The following TTN variants were observed in gnomAD, a reference collection of about 807,000 sequenced individuals.
TTN encodes connectin.
A neutral mutation model predicts 3,223.0 loss-of-function variants in TTN; 1,525 were observed. That is an observed-to-expected ratio of 0.47 (90% CI 0.45 to 0.49). The LOEUF (loss-of-function observed/expected upper bound fraction) is 0.49, where lower values mean the gene tolerates loss of function less well. TTN is among the 20% of genes least tolerant of loss of function. TTN has a pLI of 0.00. For synonymous variants in TTN, 14,094 were observed against 15,161.0 expected (o/e 0.93, Z 5.17); for missense variants, 40,786 against 43,424.0 (o/e 0.94, Z 5.40).
In TTN at chr2:178,528,637, A is replaced by T; in HGVS notation, c.107114T>A (p.Ile35705Asn). 1 of 1,613,010 alleles carries T rather than the reference A, an allele frequency of 6.2e-7. No individual in the cohort carries two copies. ...AATATTTTGAGATCTAGGCTGTGAG[A>T]TGAAGGCTGGAGCATCTGAGAGTTC... ...SKELSDAPAF[I>N]SQPRSQNINE... Residue 35705 changes from isoleucine (I) to asparagine (N), a missense_variant, in exon 360 of 363, where the codon ATC (isoleucine) becomes AAC (asparagine). Ile to Asn is a moderately radical substitution (Grantham distance 149). Transcript: ENST00000589042.
In TTN at chr2:178,712,883, A is replaced by G; in HGVS notation, c.27142T>C (p.Phe9048Leu). 1 of 1,613,680 alleles carries G rather than the reference A, an allele frequency of 6.2e-7. No homozygotes were observed. Among genetic ancestry groups the G allele is most frequent in the South Asian group, 1.1e-5 (1 of 91,042 alleles). ...CTACCTTTGAACCAGCTAACACTGA[A>G]AGGAGGTGTTCCTTTTACGATACTT... ...FTSIVKGTPP[F>L]SVSWFKGSSE... Residue 9048 changes from phenylalanine to leucine, a missense_variant, in exon 94 of 363, where the codon TTC (phenylalanine) becomes CTC (leucine). Coordinates refer to ENST00000589042, the MANE Select transcript of TTN (RefSeq NM_001267550.2).
chr2:178,709,541 G>C (rs769536214), intron 99 of TTN, 25 bp downstream of exon 99: 11 of 1,590,038 alleles, frequency 6.9e-6, no homozygotes, highest in Non-Finnish European at 7.7e-6. Context: ...AAACACAACA[G>C]GTTGGGGCTG....
In TTN at chr2:178,574,357, A is replaced by C. The variant is rs1401717606; in HGVS notation, c.71775T>G (p.Ile23925Met). The C allele has an allele frequency of 2.1e-5, 34 of 1,613,476 alleles. No individual in the cohort carries two copies. Among genetic ancestry groups the C allele is most frequent in the Non-Finnish European group, 2.7e-5 (32 of 1,179,664 alleles). Residue 23925 changes from isoleucine to methionine, a missense_variant, in exon 326 of 363, where the codon ATT (isoleucine) becomes ATG (methionine). Transcript: ENST00000589042. Reference sequence around the variant, plus strand: ...GAGGTACTGGTTTTCCAGGTGGGTCAATGGGATCCAGAGCCAACATAGGTT... The same window carrying C: ...GAGGTACTGGTTTTCCAGGTGGGTCCATGGGATCCAGAGCCAACATAGGTT... ...PSEPMLALDP[I>M]DPPGKPVPLN...
intron 250 of TTN, 179 bp from the exon 251 acceptor site, chr2:178,619,032 C>T (rs775180126): frequency 4.4e-5 from 36 of 810,898 alleles, no homozygotes; most frequent in Middle Eastern, 3.7e-4. Context: ...TGTTGTTGTG[C>T]GTGCAAATTA....
chr2:178,526,918 T>C lies in TTN; in HGVS notation c.*94A>G. 1 of 1,249,040 alleles carries C rather than the reference T, an allele frequency of 8.0e-7. No homozygotes were observed. The highest frequency in any genetic ancestry group is 1.1e-6 in the Non-Finnish European group (1 of 932,150). 77.4% of individuals were successfully genotyped at this position (1,249,040 alleles called of 1,614,324 possible). On this transcript the variant is annotated 3_prime_UTR_variant, in exon 363 of 363. Transcript: ENST00000589042. The stretch of plus-strand genomic sequence containing the variant: ...TTAGGTTGATACAAAACTACTTTTT[T>C]TTCTTTAAATATTTACAGTTCAGAA...
intron 316 of TTN, 80 bp downstream of exon 316, chr2:178,581,419 C>T (rs952193774): frequency 1.7e-6 from 2 of 1,195,046 alleles, no homozygotes; most frequent in Non-Finnish European, 2.3e-6. Flanking sequence ...ATAAATTAAT[C>T]TACCTAAGGG....
rs761565425 is a variant in TTN at position 178,548,092 on chromosome 2, C to T, written c.93534G>A (p.Glu31178=). The change falls in exon 339 of 363, where the codon GAG becomes GAA. Residue 31178 remains glutamate, a synonymous_variant. Transcript: ENST00000589042. This position sits in a 1 kb window ranked among gnomAD's most constrained non-coding sequence, Gnocchi z 4.3. ...TCACACGGAATTCATATTCAGTTTT[C>T]TCAACAAGACGCTCTACTGTGAAAG... is the stretch of plus-strand genomic sequence containing the variant. ...QLTFTVERLV[E]KTEYEFRVKA... is the part of the protein sequence containing the mutation. 3 of 1,613,870 alleles carry T rather than the reference C, an allele frequency of 1.9e-6. No homozygotes were observed. Among genetic ancestry groups the T allele is most frequent in the East Asian group, 2.2e-5 (1 of 44,864 alleles).
At position 178,664,035 on chromosome 2, in the gene TTN, G is replaced by C. The variant is rs772883660; in HGVS notation, c.36344C>G (p.Pro12115Arg). 1.5e-5 allele frequency: 25 copies of C among 1,613,178 alleles called. No individual in the cohort carries two copies. Among genetic ancestry groups the C allele is most frequent in the Non-Finnish European group, 1.9e-5 (23 of 1,179,744 alleles). ...AATACCTTTAACAGGTGGGACTTCA[G>C]GCTTTTTAGGAGGCACCACCGACAC... ...KKVSVVPPKK[P>R]EVPPVKVPEA... The change falls in exon 169 of 363, where the codon CCT (proline) becomes CGT (arginine). Residue 12115 changes from proline (P) to arginine (R), a missense_variant. Physicochemically the swap from Pro to Arg is moderately radical, Grantham distance 103 (BLOSUM62 -2). Transcript: ENST00000589042.
rs760027926 is a variant in TTN, at chr2:178,539,255, T to C, written c.98684-4A>G. On this transcript the variant is annotated splice_region_variant and splice_polypyrimidine_tract_variant and intron_variant, in intron 352 of 362. Transcript: ENST00000589042. ...TTGCTTGGAGGTTCTGGAGGATCTG[T>C]AAATATAAGTGGAAAGCACACATGT... is the stretch of plus-strand genomic sequence containing the variant. The C allele has an allele frequency of 1.2e-6, 2 of 1,612,132 alleles. No individual in the cohort carries two copies. Among genetic ancestry groups the C allele is most frequent in the Admixed American group, 3.3e-5 (2 of 59,930 alleles).
Position 178,777,883 on chromosome 2 carries a change from G to C in TTN, c.4301C>G (p.Pro1434Arg). 1.2e-6 allele frequency: 2 copies of C among 1,614,032 alleles called. No individual in the cohort carries two copies. The highest frequency in any genetic ancestry group is 1.7e-6 in the Non-Finnish European group (2 of 1,179,942). ...CCTACGTCCAGGGGACATTCTTGCA[G>C]GGGACATCCGTGCAGGAGACATCCT... ...PARMSPARMSPARMSPGRRLE... is the reference protein window; with the variant it reads ...PARMSPARMSRARMSPGRRLE... The change falls in exon 25 of 363, where the codon CCT (proline) becomes CGT (arginine). Residue 1434 changes from proline to arginine, a missense_variant. By Grantham distance (103) the Pro-to-Arg change is moderately radical (BLOSUM62 -2). Coordinates refer to ENST00000589042, the MANE Select transcript of TTN (RefSeq NM_001267550.2).
In TTN at chr2:178,529,207, G is replaced by A; in HGVS notation, c.106544C>T (p.Thr35515Ile). 1 of 1,480,912 alleles carries A rather than the reference G, an allele frequency of 6.8e-7. No homozygotes were observed. The highest frequency in any genetic ancestry group is 8.9e-7 in the Non-Finnish European group (1 of 1,119,394). 91.7% of individuals were successfully genotyped at this position (1,480,912 alleles called of 1,614,324 possible). A position where few individuals can be genotyped will look rare whatever the true frequency, so the allele number is the denominator to read the frequency against. ...TTGTGTAGAGACTTTCTGTGCCTCA[G>A]TATCTTTTATAGCTAAAAAAGAAAC... ...CKLTIKAIKD[T>I]EAQKVSTQKT... The change falls in exon 360 of 363, where the codon ACT becomes ATT. Residue 35515 changes from threonine (T) to isoleucine (I), a missense_variant. Thr to Ile is a moderately conservative substitution (Grantham distance 89). Coordinates refer to ENST00000589042, the MANE Select transcript of TTN (RefSeq NM_001267550.2).
rs1382066984 is a variant in TTN, at chr2:178,706,573, C to A, written c.29301G>T (p.Gly9767=). The change falls in exon 102 of 363, where the codon GGG becomes GGT. Residue 9767 remains glycine, a synonymous_variant. Coordinates refer to ENST00000589042, the MANE Select transcript of TTN (RefSeq NM_001267550.2). Reference sequence around the variant, plus strand: ...CGTTAAATGCCACGCATCGGTATAACCCAGAATCAGTTTTTGTGGTGTCCC... The same window carrying A: ...CGTTAAATGCCACGCATCGGTATAAACCAGAATCAGTTTTTGTGGTGTCCC... ...EIRDTTKTDS[G]LYRCVAFNEH... is the part of the protein sequence containing the mutation. 6 of 1,613,772 alleles carry A rather than the reference C, an allele frequency of 3.7e-6. No homozygotes were observed. The East Asian group carries it at 1.1e-4, about 30-fold the overall frequency.
rs35770337 is a variant in TTN at position 178,689,003 on chromosome 2, A to ATT, written c.32095+48_32095+49dup. The ATT allele has an allele frequency of 4.1e-3, 4,069 of 1,004,480 alleles. 14 individuals carry two copies. The highest frequency in any genetic ancestry group is 4.4e-3 in the South Asian group (317 of 71,430). The allele number at this position is 1,004,480 out of a possible 1,614,324, so 62.2% of individuals were successfully genotyped here. A position where few individuals can be genotyped will look rare whatever the true frequency, so the allele number is the denominator to read the frequency against. On this transcript the variant is annotated intron_variant, in intron 125 of 362. Coordinates refer to ENST00000589042, the MANE Select transcript of TTN (RefSeq NM_001267550.2). ...AAGCAAGAATTTAACACACTCGAAGATTTTTTTTTTTTTTTTTTTTTTTTG... is the reference window on the plus strand; with the variant it reads ...AAGCAAGAATTTAACACACTCGAAGATTTTTTTTTTTTTTTTTTTTTTTTTTG...
rs755872085 is a variant in TTN, at chr2:178,652,170, A to C, written c.39221T>G (p.Val13074Gly). The C allele has an allele frequency of 1.2e-6, 2 of 1,612,104 alleles. No homozygotes were observed. ...CTTTTCTGGGACAGCTACCTTTGGC[A>C]CCTCTGGGACTTTAAAAGATATTAT... ...PEVPPTKVPEVPKVAVPEKKV... is the reference protein window; with the variant it reads ...PEVPPTKVPEGPKVAVPEKKV... The change falls in exon 204 of 363, where the codon GTG becomes GGG. Residue 13074 changes from valine (V) to glycine (G), a missense_variant. Coordinates refer to ENST00000589042, the MANE Select transcript of TTN (RefSeq NM_001267550.2).
rs1454018253 is a variant in TTN, at chr2:178,535,228, A to G, written c.101387T>C (p.Val33796Ala). ...KTRAMNYDEE[V>A]DETREVSMTK... ...CATGGAGACTTCCCTGGTTTCATCT[A>G]CCTCTTCATCATAGTTCATAGCTCT... Residue 33796 changes from valine to alanine, a missense_variant, in exon 358 of 363, where the codon GTA (valine) becomes GCA (alanine). Physicochemically the swap from Val to Ala is moderately conservative, Grantham distance 64 (BLOSUM62 0). Coordinates refer to ENST00000589042, the MANE Select transcript of TTN (RefSeq NM_001267550.2). 1.2e-6 allele frequency: 2 copies of G among 1,613,636 alleles called. No individual in the cohort carries two copies. The highest frequency in any genetic ancestry group is 3.3e-5 in the Admixed American group (2 of 59,982).
At position 178,530,416 on chromosome 2, in the gene TTN, G is replaced by T. The variant is rs906681609; in HGVS notation, c.106199C>A (p.Thr35400Asn). ...SETKKSDQKT[T>N]ESTVTRKTEP... Reference sequence around the variant, plus strand: ...AGTTTTTCTGGTTACTGTTGACTCAGTGGTTTTCTGATCTGATTTCTTAGT... The same window carrying T: ...AGTTTTTCTGGTTACTGTTGACTCATTGGTTTTCTGATCTGATTTCTTAGT... The change falls in exon 358 of 363, where the codon ACT (threonine) becomes AAT (asparagine). Residue 35400 changes from threonine to asparagine, a missense_variant. Transcript: ENST00000589042. 6.2e-7 allele frequency: 1 copy of T among 1,613,884 alleles called. No homozygotes were observed. The highest frequency in any genetic ancestry group is 8.5e-7 in the Non-Finnish European group (1 of 1,179,888).
At chr2:178,749,889 T>C (rs1448909364) in intron 47 of TTN, 11 of 1,613,124 alleles carry the variant, frequency 6.8e-6, no homozygotes, top group Middle Eastern at 3.3e-4. Context: ...TCCCCTTCTC[T>C]ACACCTGGCA....
intron 111 of TTN, 76 bp from the exon 112 acceptor site, chr2:178,698,990 G>T (rs1256228320): frequency 5.4e-6 from 7 of 1,303,798 alleles, no homozygotes. Flanking sequence ...AGGAAACTAG[G>T]AATTTTATTG....
Position 178,588,729 on chromosome 2 carries a change from A to G in TTN, c.62996T>C (p.Phe20999Ser). The change falls in exon 304 of 363, where the codon TTT becomes TCT. Residue 20999 changes from phenylalanine (F) to serine (S), a missense_variant. Phe to Ser is a radical substitution (Grantham distance 155). Coordinates refer to ENST00000589042, the MANE Select transcript of TTN (RefSeq NM_001267550.2). ...YDGGKSITGY[F>S]LEKKEKHSTR... ...TGAATGCTTTTCCTTTTTCTCCAAA[A>G]AGTATCCAGTTATAGACTTTCCACC... is the stretch of plus-strand genomic sequence containing the variant. The G allele has an allele frequency of 1.2e-6, 2 of 1,613,204 alleles. No individual in the cohort carries two copies. Among genetic ancestry groups the G allele is most frequent in the Non-Finnish European group, 1.7e-6 (2 of 1,179,512 alleles).
Sources: gnomAD v4.1 joint callset for allele counts on GRCh38, gnomAD v4.1.1 for gene constraint, Gnocchi (gnomAD v3.1) non-coding constraint, MANE v1.5 for transcripts, NCBI Gene and HGNC (gene_info 2026-07-23, HGNC 2026-07-21) for gene names.